The following ABCB5 variants were observed in gnomAD, a reference collection of about 807,000 sequenced individuals.
ABCB5 encodes the protein ATP-binding cassette sub-family B member 5.
In ABCB5, 155 loss-of-function variants were observed where a neutral mutation model predicts 144.2. The ratio of observed to expected loss-of-function variants is 1.08; its 90% confidence interval spans 0.94 to 1.23. ABCB5 has a LOEUF of 1.23. Among genes scored for constraint, ABCB5 ranks in the 50% most tolerant of loss-of-function variants. The pLI, the probability that ABCB5 is intolerant of heterozygous loss-of-function variation, is 0.00. For synonymous variants in ABCB5, 610 were observed against 528.6 expected (o/e 1.15, Z -2.11); for missense variants, 1,830 against 1,520.8 (o/e 1.20, Z -3.38).
chr7:20,708,220 C>T (rs1464210445), intron 20 of ABCB5, among the ~76,000 whole-genome samples: 4 of 152,090 alleles, frequency 2.6e-5, no homozygotes, highest in South Asian at 2.1e-4. Flanking sequence ...ATAAGGTTGG[C>T]GTATAATTGC....
intron 25 of ABCB5, among the ~76,000 whole-genome samples, chr7:20,743,823 T>C (rs1782634784): frequency 6.6e-6 from 1 of 151,934 alleles, no homozygotes; most frequent in Admixed American, 6.6e-5. Flanking sequence ...CAAAACAGAG[T>C]TTAGGGACTC....
intron 1 of ABCB5, among the ~76,000 whole-genome samples, chr7:20,618,613 G>A (rs979555408): frequency 1.3e-5 from 2 of 151,832 alleles, no homozygotes; most frequent in Admixed American, 6.6e-5. Context: ...TCATCTTTAT[G>A]TCCATGTGGA....
intron 13 of ABCB5, among the ~76,000 whole-genome samples, chr7:20,652,388 T>A (rs1784625209): frequency 6.6e-6 from 1 of 152,122 alleles, no homozygotes; most frequent in African/African-American, 2.4e-5. Flanking sequence ...GCCAACATGG[T>A]GAAAATTCAT....
At chr7:20,724,494 T>C (rs1280500251) in intron 21 of ABCB5, among the ~76,000 whole-genome samples, 1 of 151,832 alleles carries the variant, frequency 6.6e-6, no homozygotes, top group Non-Finnish European at 1.5e-5. Flanking sequence ...CCGGGTATGG[T>C]GGTGCGTGCC....
chr7:20,724,477 AAGTT>A (rs1781968806), intron 21 of ABCB5, among the ~76,000 whole-genome samples: 1 of 151,794 alleles, frequency 6.6e-6, no homozygotes, highest in Non-Finnish European at 1.5e-5. Context: ...AAAATACAAA[AAGTT>A]AGCCGGGTAT....
chr7:20,748,142 C>A (rs77960798), intron 26 of ABCB5, among the ~76,000 whole-genome samples: 1 of 152,136 alleles, frequency 6.6e-6, no homozygotes, highest in Non-Finnish European at 1.5e-5. Context: ...GGAAAGGGTT[C>A]GTAACCATGG....
At chr7:20,621,971 C>T (rs552948386) in intron 1 of ABCB5, among the ~76,000 whole-genome samples, 13 of 152,234 alleles carry the variant, frequency 8.5e-5, no homozygotes, top group African/African-American at 3.1e-4. Flanking sequence ...TTCCTTTGCT[C>T]ATACTGTTTC....
At chr7:20,711,800 CTTTCTTT>C (rs1787056875) in intron 20 of ABCB5, among the ~76,000 whole-genome samples, 1 of 42,646 alleles carries the variant, frequency 2.3e-5, no homozygotes, top group Non-Finnish European at 3.6e-5. Flanking sequence ...TTCTTTCTTT[CTTTCTTT>C]CTTTCTTTCT....
intron 4 of ABCB5, 125 bp downstream of exon 4, chr7:20,628,963 G>A (rs544339807): frequency 1.8e-6 from 2 of 1,134,616 alleles, no homozygotes; most frequent in East Asian, 2.7e-5. Context: ...ATGTATTTAA[G>A]TCATTTATTC....
At chr7:20,754,231 TA>T (rs2128058344) in intron 27 of ABCB5, among the ~76,000 whole-genome samples, 1 of 152,348 alleles carries the variant, frequency 6.6e-6, no homozygotes, top group Non-Finnish European at 1.5e-5. Context: ...GTAACTTCTC[TA>T]AATTCTAATG....
At chr7:20,659,114 T>C (rs1784911651) in intron 14 of ABCB5, 3 of 1,613,870 alleles carry the variant, frequency 1.9e-6, no homozygotes, top group Admixed American at 1.7e-5. Context: ...AAGTGGAGAA[T>C]CGCTGACCTT....
At chr7:20,692,394 G>A (rs924514092) in intron 16 of ABCB5, among the ~76,000 whole-genome samples, 5 of 151,880 alleles carry the variant, frequency 3.3e-5, no homozygotes, top group South Asian at 2.1e-4. Flanking sequence ...ACAGAAAAAT[G>A]CCCAATAAAA....
chr7:20,624,038 G>A (rs1783855999), intron 2 of ABCB5, among the ~76,000 whole-genome samples: 1 of 152,172 alleles, frequency 6.6e-6, no homozygotes, highest in African/African-American at 2.4e-5. Context: ...CAAAAGAACT[G>A]CATTCCAAAC....
At chr7:20,730,885 C>T (rs898578605) in intron 23 of ABCB5, among the ~76,000 whole-genome samples, 1 of 152,116 alleles carries the variant, frequency 6.6e-6, no homozygotes, top group East Asian at 1.9e-4. Flanking sequence ...ATCCCCAGGG[C>T]CCCGTTCCTT....
At chr7:20,645,626 A>C (rs1027036638) in intron 7 of ABCB5, 130 bp from the exon 8 acceptor site, 2 of 1,173,646 alleles carry the variant, frequency 1.7e-6, no homozygotes, top group African/African-American at 3.1e-5. Flanking sequence ...ACAAATTTTT[A>C]AAAATACAGA....
At chr7:20,639,831 G>A (rs967135119) in intron 5 of ABCB5, among the ~76,000 whole-genome samples, 4 of 152,106 alleles carry the variant, frequency 2.6e-5, no homozygotes, top group African/African-American at 9.7e-5. Context: ...TGGCTATTCT[G>A]AGTTCTCTAC....
intron 26 of ABCB5, among the ~76,000 whole-genome samples, chr7:20,747,101 T>A (rs1247282390): frequency 6.6e-6 from 1 of 152,216 alleles, no homozygotes; most frequent in Non-Finnish European, 1.5e-5. Context: ...AGGATTCACA[T>A]ATTTTTTATA....
chr7:20,732,714 C>G (rs1159009653), intron 23 of ABCB5, among the ~76,000 whole-genome samples: 1 of 152,142 alleles, frequency 6.6e-6, no homozygotes. Flanking sequence ...GGCAGGAGGA[C>G]TGGATCTAAA....
intron 14 of ABCB5, 82 bp from the exon 15 acceptor site, chr7:20,681,423 G>C (rs1479272445): frequency 6.7e-7 from 1 of 1,481,870 alleles, no homozygotes; most frequent in Non-Finnish European, 9.1e-7. Context: ...CACCATGCCG[G>C]GTCAACAAAG....
Sources: gnomAD v4.1 joint callset for allele counts (sites outside exome capture counted in the v4.1 genomes callset) on GRCh38, gnomAD v4.1.1 for gene constraint, MANE v1.5 for transcripts, NCBI Gene and HGNC (gene_info 2026-07-23, HGNC 2026-07-21) for gene names.